Variants in MSH5 observed in about 807,000 individuals in gnomAD.
MSH5 encodes the protein mutS homolog 5, also known as mutS protein homolog 5.
A neutral mutation model predicts 107.7 loss-of-function variants in MSH5; 78 were observed. That is an observed-to-expected ratio of 0.72 (90% CI 0.60 to 0.87). The LOEUF is 0.87. MSH5 is among the 40% of genes least tolerant of loss of function. The pLI is 0.00. For synonymous variants in MSH5, 326 were observed against 399.5 expected (o/e 0.82, Z 2.19); for missense variants, 889 against 1,046.6 (o/e 0.85, Z 2.08).
At chr6:31,741,418 A>G (rs986767447) in intron 3 of MSH5, 132 bp downstream of exon 3, 32 of 1,251,970 alleles carry the variant, frequency 2.6e-5, no homozygotes, top group Non-Finnish European at 3.3e-5. Context: ...TTGCTCTGTT[A>G]CCCAGGCTCA....
Position 31,761,464 on chromosome 6 carries a change from C to G in MSH5, c.2038-8C>G, listed in dbSNP as rs758194809. On this transcript the variant is annotated splice_region_variant and splice_polypyrimidine_tract_variant and intron_variant, in intron 21 of 24. Coordinates refer to ENST00000375750, the MANE Select transcript of MSH5 (RefSeq NM_172166.4). This position sits in a 1 kb window ranked among gnomAD's most constrained non-coding sequence, Gnocchi z 5.3. Reference sequence around the variant, plus strand: ...GGCTCCGAATGCTAACCTCTGCCCTCTTTGCAGGTGGATGGGCTCGCGCTT... The same window carrying G: ...GGCTCCGAATGCTAACCTCTGCCCTGTTTGCAGGTGGATGGGCTCGCGCTT... 51 of 1,612,628 alleles carry G rather than the reference C, an allele frequency of 3.2e-5. No individual in the cohort carries two copies. The South Asian group carries it at 5.5e-4, about 17-fold the overall frequency.
In MSH5 at chr6:31,760,620, A is replaced by C. The variant is rs1810904076; in HGVS notation, c.1813-70A>C. ...TCCATTTCTCTTTGATGTGCCATTC[A>C]TGCCTTGAGCCTCACTTTCACCTCA... On this transcript the variant is annotated intron_variant, in intron 19 of 24. Coordinates refer to ENST00000375750, the MANE Select transcript of MSH5 (RefSeq NM_172166.4). This position sits in a 1 kb window ranked among gnomAD's most constrained non-coding sequence, Gnocchi z 5.6. 1.9e-6 allele frequency: 3 copies of C among 1,589,402 alleles called. No individual in the cohort carries two copies. The South Asian group carries it at 3.3e-5, about 18-fold the overall frequency.
In MSH5 at chr6:31,759,043, G is replaced by A; in HGVS notation, c.1327-54G>A. The A allele has an allele frequency of 6.5e-7, 1 of 1,539,008 alleles. No individual in the cohort carries two copies. The highest frequency in any genetic ancestry group is 1.1e-5 in the South Asian group (1 of 89,562). On this transcript the variant is annotated intron_variant, in intron 15 of 24. Transcript: ENST00000375750. This position sits in a 1 kb window ranked among gnomAD's most constrained non-coding sequence, Gnocchi z 4.7. ...TAAGCTCCCTCTAGGGTGGGGAGGT[G>A]TCCAGTAAGTCTCCAAGCAGGAGAG...
intron 12 of MSH5, among the ~76,000 whole-genome samples, chr6:31,756,344 G>A (rs1174260373): frequency 6.6e-6 from 1 of 151,970 alleles, no homozygotes; most frequent in African/African-American, 2.4e-5. Flanking sequence ...GCTAATTTTT[G>A]TATTTTTAGT....
intron 24 of MSH5, 31 bp downstream of exon 24, chr6:31,762,216 C>G (rs1289649985): frequency 1.2e-6 from 2 of 1,606,700 alleles, no homozygotes; most frequent in Non-Finnish European, 1.7e-6. Context: ...TCTTTACCCT[C>G]TCTGCATCTT....
chr6:31,752,631 A>T (rs1276255739), intron 10 of MSH5, among the ~76,000 whole-genome samples: 1 of 150,706 alleles, frequency 6.6e-6, no homozygotes, highest in Non-Finnish European at 1.5e-5. Context: ...GAGGCACGAA[A>T]ATCACTTGAA....
intron 5 of MSH5, 46 bp downstream of exon 5, chr6:31,743,216 CA>C: frequency 6.3e-7 from 1 of 1,582,888 alleles, no homozygotes; most frequent in South Asian, 1.1e-5. Flanking sequence ...TCCGGTGTCC[CA>C]TTCTTTCCCC....
In MSH5 at chr6:31,744,201, T is replaced by C; in HGVS notation, c.549T>C (p.Leu183=). ...TGATCCCCTCCCAGGTTCGAGCACTTGGAGGGCTGCTGAAGTTCCTGGGTC... is the reference window on the plus strand; with the variant it reads ...TGATCCCCTCCCAGGTTCGAGCACTCGGAGGGCTGCTGAAGTTCCTGGGTC... ...PFDCLLTVRA[L]GGLLKFLGRR... is the part of the protein sequence containing the mutation. Residue 183 remains leucine (L), a synonymous_variant, in exon 7 of 25, where the codon CTT becomes CTC. Coordinates refer to ENST00000375750, the MANE Select transcript of MSH5 (RefSeq NM_172166.4). 1.2e-6 allele frequency: 2 copies of C among 1,612,770 alleles called. No individual in the cohort carries two copies. Among genetic ancestry groups the C allele is most frequent in the Non-Finnish European group, 1.7e-6 (2 of 1,179,236 alleles).
chr6:31,761,686 C>G lies in MSH5; in HGVS notation c.2181+71C>G, dbSNP rs970493901. On this transcript the variant is annotated intron_variant, in intron 22 of 24. Coordinates refer to ENST00000375750, the MANE Select transcript of MSH5 (RefSeq NM_172166.4). The surrounding 1 kb of genome is among the most constrained non-coding windows in gnomAD (Gnocchi z 5.3). Reference sequence around the variant, plus strand: ...TTCCCAGAGGTGGGGATTGGCTCCTCTATCAGAACAAGGGCTCCCTCAGCA... The same window carrying G: ...TTCCCAGAGGTGGGGATTGGCTCCTGTATCAGAACAAGGGCTCCCTCAGCA... The G allele has an allele frequency of 1.9e-6, 3 of 1,613,014 alleles. No individual in the cohort carries two copies. In the African/African-American group the frequency reaches 4.0e-5, roughly 22 times the overall value.
chr6:31,745,721 C>T (rs1056492242), intron 9 of MSH5, among the ~76,000 whole-genome samples: 45 of 151,260 alleles, frequency 3.0e-4, no homozygotes, highest in African/African-American at 7.3e-5. Context: ...GGGACATCTC[C>T]GCAAATATCC....
In MSH5 at chr6:31,743,907, T is replaced by C; in HGVS notation, c.419T>C (p.Leu140Pro). Residue 140 changes from leucine to proline, a missense_variant, in exon 6 of 25, where the codon CTG (leucine) becomes CCG (proline). This residue lies in a region of MSH5 where 518 missense variants were observed against 565.0 expected (regional missense o/e 0.92). Transcript: ENST00000375750. ...IIFLPSVDFGLEISKQRLLSG... is the reference protein window; with the variant it reads ...IIFLPSVDFGPEISKQRLLSG... ...TTTGCTTGCCTCCCTCAAATAGGTC[T>C]GGAGATAAGCAAACAACGCCTCCTT... is the stretch of plus-strand genomic sequence containing the variant. The C allele has an allele frequency of 6.2e-7, 1 of 1,613,206 alleles. No individual in the cohort carries two copies. The highest frequency in any genetic ancestry group is 8.5e-7 in the Non-Finnish European group (1 of 1,179,960).
Position 31,743,244 on chromosome 6 carries a change from A to T in MSH5, c.415+74A>T. 3 of 1,458,962 alleles carry T rather than the reference A, an allele frequency of 2.1e-6. No homozygotes were observed. In the South Asian group the frequency reaches 3.4e-5, roughly 17 times the overall value. 90.4% of individuals were successfully genotyped at this position (1,458,962 alleles called of 1,614,324 possible). A position where few individuals can be genotyped will look rare whatever the true frequency, so the allele number is the denominator to read the frequency against. ...TCTTTCCCCCAACTCTACCTTCATC[A>T]TCACAGATCTCCCCTCTGCCTTATG... On this transcript the variant is annotated intron_variant, in intron 5 of 24. Transcript: ENST00000375750.
Position 31,758,878 on chromosome 6 carries a change from G to T in MSH5, c.1326+3G>T, listed in dbSNP as rs1200396907. 1 of 1,609,658 alleles carries T rather than the reference G, an allele frequency of 6.2e-7. No homozygotes were observed. The highest frequency in any genetic ancestry group is 2.2e-5 in the East Asian group (1 of 44,852). On this transcript the variant is annotated splice_donor_region_variant and intron_variant, in intron 15 of 24. Transcript: ENST00000375750. This position sits in a 1 kb window ranked among gnomAD's most constrained non-coding sequence, Gnocchi z 5.1. ...GCAGTGTCATCTACATCCCTCTGGT[G>T]AGGGCAGGAGAGTGGGTGTAGCCTT... is the stretch of plus-strand genomic sequence containing the variant.
chr6:31,760,596 C>T lies in MSH5; in HGVS notation c.1813-94C>T. 1 of 1,498,098 alleles carries T rather than the reference C, an allele frequency of 6.7e-7. No individual in the cohort carries two copies. The highest frequency in any genetic ancestry group is 2.3e-5 in the East Asian group (1 of 44,290). 92.8% of individuals were successfully genotyped at this position (1,498,098 alleles called of 1,614,324 possible). On this transcript the variant is annotated intron_variant, in intron 19 of 24. Transcript: ENST00000375750. The surrounding 1 kb of genome is among the most constrained non-coding windows in gnomAD (Gnocchi z 5.6). ...ACCTATTTCTCCTGTTTCACCCTGT[C>T]CATTTCTCTTTGATGTGCCATTCAT...
chr6:31,744,177 G>C lies in MSH5; in HGVS notation c.538-13G>C, dbSNP rs764990462. On this transcript the variant is annotated splice_polypyrimidine_tract_variant and intron_variant, in intron 6 of 24. Transcript: ENST00000375750. ...TAAGATTTACCCCGATTCCACTGCT[G>C]ATCCCCTCCCAGGTTCGAGCACTTG... The C allele has an allele frequency of 1.9e-6, 3 of 1,607,704 alleles. No homozygotes were observed. Among genetic ancestry groups the C allele is most frequent in the Non-Finnish European group, 2.5e-6 (3 of 1,177,084 alleles).
At chr6:31,748,002 CA>C (rs9279406) in intron 10 of MSH5, among the ~76,000 whole-genome samples, 121,682 of 141,424 alleles carry the variant, frequency 0.86, 52,130 homozygotes, top group African/African-American at 0.96. Flanking sequence ...GACTCCGTCT[CA>C]AAAAAAAAAA....
In MSH5 at chr6:31,761,633, GC is replaced by G. The variant is rs757341524; in HGVS notation, c.2181+19del. 127 of 1,613,884 alleles carry G rather than the reference GC, an allele frequency of 7.9e-5. No homozygotes were observed. In the South Asian group the frequency reaches 1.4e-3, roughly 17 times the overall value. On this transcript the variant is annotated intron_variant, in intron 22 of 24. Coordinates refer to ENST00000375750, the MANE Select transcript of MSH5 (RefSeq NM_172166.4). This position sits in a 1 kb window ranked among gnomAD's most constrained non-coding sequence, Gnocchi z 5.3. ...AGTATTTGGTGAGGAGACCAATCTA[GC>G]TCCTCGGGGACCCCCAGGCTGGGCA... is the stretch of plus-strand genomic sequence containing the variant.
In MSH5 at chr6:31,759,987, G is replaced by A; in HGVS notation, c.1685+12G>A. 6.2e-7 allele frequency: 1 copy of A among 1,613,228 alleles called. No individual in the cohort carries two copies. The highest frequency in any genetic ancestry group is 8.5e-7 in the Non-Finnish European group (1 of 1,179,758). Reference sequence around the variant, plus strand: ...ATCCAGAATGGCAGGTAAGAATAGAGGCGGGTGGAGGAATAGACATGAGGG... The same window carrying A: ...ATCCAGAATGGCAGGTAAGAATAGAAGCGGGTGGAGGAATAGACATGAGGG... On this transcript the variant is annotated intron_variant, in intron 18 of 24. Transcript: ENST00000375750. The surrounding 1 kb of genome is among the most constrained non-coding windows in gnomAD (Gnocchi z 4.7).
chr6:31,748,593 C>T (rs1483343494), intron 10 of MSH5, among the ~76,000 whole-genome samples: 1 of 151,982 alleles, frequency 6.6e-6, no homozygotes, highest in East Asian at 1.9e-4. Context: ...CCGCCCACCT[C>T]GGCCTCCCAA....
Sources: allele counts gnomAD v4.1 joint callset (sites outside exome capture counted in the v4.1 genomes callset), GRCh38; gene constraint gnomAD v4.1.1; regional missense constraint gnomAD v4.1.1; non-coding constraint Gnocchi (gnomAD v3.1); transcripts MANE v1.5; gene names NCBI Gene and HGNC (gene_info 2026-07-23, HGNC 2026-07-21).